Variants in UNC5C observed in about 807,000 individuals in gnomAD.
The protein encoded by UNC5C is unc-5 netrin receptor C.
Under a neutral mutation model 99.8 loss-of-function variants are expected in UNC5C, and 47 were observed. The ratio of observed to expected loss-of-function variants is 0.47; its 90% CI spans 0.37 to 0.60. The LOEUF is 0.60. UNC5C is among the 20% of genes least tolerant of loss of function. The pLI is 0.00. For synonymous variants in UNC5C, 487 were observed against 452.2 expected (o/e 1.08, Z -0.98); for missense variants, 1,062 against 1,165.9 (o/e 0.91, Z 1.30).
At chr4:95,442,614 C>G (rs919452905) in intron 1 of UNC5C, among the ~76,000 whole-genome samples, 1 of 152,044 alleles carries the variant, frequency 6.6e-6, no homozygotes, top group African/African-American at 2.4e-5. Flanking sequence ...TACAGGCACA[C>G]TTATCATTTT....
At chr4:95,526,521 A>G (rs897991435) in intron 1 of UNC5C, among the ~76,000 whole-genome samples, 13 of 152,132 alleles carry the variant, frequency 8.5e-5, no homozygotes, top group Admixed American at 1.3e-4. Flanking sequence ...CTACTAAGCA[A>G]TAACAAAAAA....
intron 1 of UNC5C, among the ~76,000 whole-genome samples, chr4:95,467,468 A>G (rs1747821347): frequency 1.3e-5 from 2 of 152,178 alleles, no homozygotes; most frequent in African/African-American, 4.8e-5. Flanking sequence ...GCATGCATAT[A>G]TTTTCTTTTC....
At chr4:95,211,366 G>A (rs184877134) in intron 10 of UNC5C, among the ~76,000 whole-genome samples, 4 of 152,320 alleles carry the variant, frequency 2.6e-5, no homozygotes, top group African/African-American at 9.6e-5. Flanking sequence ...TCCGAAGGGC[G>A]TGCCACCATT....
At chr4:95,546,553 T>G (rs2149498078) in intron 1 of UNC5C, among the ~76,000 whole-genome samples, 1 of 152,226 alleles carries the variant, frequency 6.6e-6, no homozygotes, top group South Asian at 2.1e-4. Context: ...AACAAAAATT[T>G]TACTAATCAA....
intron 12 of UNC5C, among the ~76,000 whole-genome samples, chr4:95,199,707 TATAAA>T (rs1737579412): frequency 2.0e-5 from 3 of 152,206 alleles, no homozygotes; most frequent in African/African-American, 7.2e-5. Flanking sequence ...TGTGTGTGAA[TATAAA>T]ATATGTAAAT....
chr4:95,340,384 C>T (rs1228783162), intron 1 of UNC5C, among the ~76,000 whole-genome samples: 1 of 152,036 alleles, frequency 6.6e-6, no homozygotes, highest in Non-Finnish European at 1.5e-5. Flanking sequence ...AAATGAATGA[C>T]TGCAAAGCTA....
At chr4:95,326,608 T>G (rs1742892854) in intron 2 of UNC5C, among the ~76,000 whole-genome samples, 1 of 152,190 alleles carries the variant, frequency 6.6e-6, no homozygotes, top group Non-Finnish European at 1.5e-5. Flanking sequence ...ACTTTTCTGT[T>G]TCTTATATTG....
chr4:95,497,639 G>T (rs1013727442), intron 1 of UNC5C, among the ~76,000 whole-genome samples: 3 of 151,774 alleles, frequency 2.0e-5, no homozygotes, highest in Non-Finnish European at 2.9e-5. Flanking sequence ...ACTACAAAAT[G>T]CACACAGATA....
At chr4:95,384,051 C>A (rs947095760) in intron 1 of UNC5C, among the ~76,000 whole-genome samples, 1 of 152,008 alleles carries the variant, frequency 6.6e-6, no homozygotes, top group African/African-American at 2.4e-5. Context: ...TCATAAAGAG[C>A]CATTAATTAG....
intron 3 of UNC5C, among the ~76,000 whole-genome samples, chr4:95,298,669 A>G (rs1425458733): frequency 1.3e-5 from 2 of 152,070 alleles, no homozygotes; most frequent in African/African-American, 4.8e-5. Context: ...GGCACTTACC[A>G]TCTGCTCTAG....
At chr4:95,327,931 ACT>A (rs199751252) in intron 2 of UNC5C, among the ~76,000 whole-genome samples, 5,751 of 151,410 alleles carry the variant, frequency 0.038, 150 homozygotes, top group Non-Finnish European at 0.056. Flanking sequence ...TGTCACACTG[ACT>A]CTTCACGGAG....
chr4:95,343,051 C>T (rs1743638435), intron 1 of UNC5C, among the ~76,000 whole-genome samples: 1 of 152,150 alleles, frequency 6.6e-6, no homozygotes, highest in Non-Finnish European at 1.5e-5. Flanking sequence ...GGCCTTGGCT[C>T]CTAGATGTTA....
intron 5 of UNC5C, among the ~76,000 whole-genome samples, chr4:95,246,340 T>G (rs901709124): frequency 6.6e-6 from 1 of 151,916 alleles, no homozygotes; most frequent in African/African-American, 2.4e-5. Context: ...GAGTATTGCT[T>G]GAGACCAAGA....
chr4:95,381,300 A>G (rs937276641), intron 1 of UNC5C, among the ~76,000 whole-genome samples: 6 of 152,148 alleles, frequency 3.9e-5, no homozygotes, highest in Non-Finnish European at 7.3e-5. Context: ...TTGATTGTGT[A>G]TTTCTGTGAC....
chr4:95,169,882 T>C (rs75592721), intron 15 of UNC5C, among the ~76,000 whole-genome samples: 2,957 of 152,216 alleles, frequency 0.019, 103 homozygotes, highest in African/African-American at 0.068. Flanking sequence ...TGAATGGCTA[T>C]ATGATTTGGG....
At chr4:95,545,389 A>G (rs910587622) in intron 1 of UNC5C, among the ~76,000 whole-genome samples, 1 of 152,184 alleles carries the variant, frequency 6.6e-6, no homozygotes, top group African/African-American at 2.4e-5. Flanking sequence ...GCATATTCCT[A>G]ATGTGAATTC....
chr4:95,181,854 CAT>C (rs1736625658), intron 14 of UNC5C, among the ~76,000 whole-genome samples: 1 of 152,250 alleles, frequency 6.6e-6, no homozygotes, highest in South Asian at 2.1e-4. Context: ...TTAAATATGA[CAT>C]GTGAAGCAAG....
At chr4:95,439,888 A>G (rs886323548) in intron 1 of UNC5C, among the ~76,000 whole-genome samples, 7 of 152,138 alleles carry the variant, frequency 4.6e-5, no homozygotes, top group African/African-American at 1.7e-4. Context: ...CTCTGTCACC[A>G]ACTCCTTCCT....
At chr4:95,345,523 A>G (rs1399023234) in intron 1 of UNC5C, among the ~76,000 whole-genome samples, 1 of 152,090 alleles carries the variant, frequency 6.6e-6, no homozygotes, top group African/African-American at 2.4e-5. Context: ...AGATATCTAC[A>G]GAAAATTTCA....
Sources: gnomAD v4.1 joint callset for allele counts (sites outside exome capture counted in the v4.1 genomes callset) on GRCh38, gnomAD v4.1.1 for gene constraint, MANE v1.5 for transcripts, NCBI Gene and HGNC (gene_info 2026-07-23, HGNC 2026-07-21) for gene names.